SGCD: variants seen among roughly 807,000 people sequenced by gnomAD.
The protein encoded by SGCD is sarcoglycan delta.
In SGCD, 18 loss-of-function variants were observed where a neutral mutation model predicts 36.6. That is an observed-to-expected ratio of 0.49 (90% CI 0.34 to 0.73). SGCD has a LOEUF of 0.73. Ranked by LOEUF, SGCD falls within the 30% of genes least tolerant of loss-of-function variation. The probability of loss-of-function intolerance (pLI) is 0.01; values close to 1 mark genes in which losing one functional copy is unlikely to be tolerated. For synonymous variants in SGCD, 133 were observed against 130.6 expected, an observed-to-expected ratio of 1.02 and a Z score of -0.12; for missense variants, 387 against 346.7, an observed-to-expected ratio of 1.12 and a Z score of -0.92.
At chr5:155,819,919 T>C in the SGCD span, among the ~76,000 whole-genome samples, 1 of 152,156 alleles carries the variant, frequency 6.6e-6, no homozygotes, top group African/African-American at 2.4e-5. Flanking sequence ...AAAACAATAT[T>C]AGCCTCTCCC....
chr5:156,211,943 G>T (rs192127317), intron 3 of SGCD, among the ~76,000 whole-genome samples: 132 of 152,216 alleles, frequency 8.7e-4, no homozygotes, highest in Non-Finnish European at 1.4e-3. Flanking sequence ...GCTTAAAATA[G>T]CCTGTTATAA....
chr5:155,739,259 G>C, the SGCD span, among the ~76,000 whole-genome samples: 5 of 152,206 alleles, frequency 3.3e-5, no homozygotes, highest in African/African-American at 7.2e-5. Context: ...TGCGACCAAA[G>C]CTGGATGTTG....
At chr5:156,001,118 T>C (rs1180595680) in intron 1 of SGCD, among the ~76,000 whole-genome samples, 1 of 152,188 alleles carries the variant, frequency 6.6e-6, no homozygotes, top group Non-Finnish European at 1.5e-5. Flanking sequence ...CTGCTTGGTC[T>C]TTACACCATT....
chr5:155,895,449 G>A (rs1756228947), intron 1 of SGCD, among the ~76,000 whole-genome samples: 1 of 152,118 alleles, frequency 6.6e-6, no homozygotes, highest in Non-Finnish European at 1.5e-5. Context: ...TCTCTTTAAT[G>A]GGCTTATTGC....
chr5:156,270,657 G>A (rs1250893506), intron 3 of SGCD, among the ~76,000 whole-genome samples: 7 of 151,978 alleles, frequency 4.6e-5, no homozygotes, highest in Admixed American at 4.6e-4. Context: ...TAAGACTTAA[G>A]ACTCTAGAAC....
chr5:156,068,060 T>A (rs1760388138), intron 1 of SGCD, among the ~76,000 whole-genome samples: 1 of 151,946 alleles, frequency 6.6e-6, no homozygotes, highest in Non-Finnish European at 1.5e-5. Flanking sequence ...AACCTTCCTC[T>A]CTACCTGCAG....
intron 3 of SGCD, among the ~76,000 whole-genome samples, chr5:156,301,557 G>A (rs896968265): frequency 1.3e-5 from 2 of 151,942 alleles, no homozygotes; most frequent in Non-Finnish European, 2.9e-5. Context: ...AATTACAGGG[G>A]TTATAATAGT....
At chr5:156,750,323 T>G (rs114491661) in intron 7 of SGCD, among the ~76,000 whole-genome samples, 2,521 of 152,272 alleles carry the variant, frequency 0.017, 61 homozygotes, top group African/African-American at 0.056. Context: ...GGTTCTCATT[T>G]CTTTACTTCT....
intron 1 of SGCD, among the ~76,000 whole-genome samples, chr5:155,972,230 C>A (rs1395090579): frequency 6.6e-6 from 1 of 152,140 alleles, no homozygotes; most frequent in Non-Finnish European, 1.5e-5. Context: ...GAAATGTACA[C>A]TGCATAGTGA....
the SGCD span, among the ~76,000 whole-genome samples, chr5:155,755,172 ATAT>A: frequency 7.2e-5 from 11 of 152,198 alleles, no homozygotes; most frequent in South Asian, 1.5e-3. Context: ...TTATGGAGAA[ATAT>A]TATTAACTTT....
At chr5:156,075,439 T>C (rs1190613432) in intron 1 of SGCD, among the ~76,000 whole-genome samples, 1 of 152,196 alleles carries the variant, frequency 6.6e-6, no homozygotes, top group South Asian at 2.1e-4. Flanking sequence ...AGAGGTAGTC[T>C]ATAAGAGACT....
intron 3 of SGCD, among the ~76,000 whole-genome samples, chr5:156,165,143 A>G (rs1190967327): frequency 6.6e-6 from 1 of 152,316 alleles, no homozygotes; most frequent in South Asian, 2.1e-4. Context: ...GGGCTGCAGG[A>G]GTTCCGGAGG....
At chr5:156,492,469 G>A (rs1022428313) in intron 3 of SGCD, among the ~76,000 whole-genome samples, 1 of 151,936 alleles carries the variant, frequency 6.6e-6, no homozygotes, top group African/African-American at 2.4e-5. Flanking sequence ...CTCAAGGCAG[G>A]AAAAAATCCT....
intron 1 of SGCD, among the ~76,000 whole-genome samples, chr5:156,037,066 G>A (rs965104007): frequency 2.6e-5 from 4 of 152,114 alleles, no homozygotes; most frequent in African/African-American, 9.7e-5. Context: ...GTAGTGCTTG[G>A]CACACATAAA....
chr5:155,849,446 G>GCACACACACACA, the SGCD span, among the ~76,000 whole-genome samples: 129 of 149,930 alleles, frequency 8.6e-4, 1 homozygote, highest in East Asian at 0.012. Context: ...ATGTGCGCGC[G>GCACACACACACA]CACACACACA....
intron 4 of SGCD, among the ~76,000 whole-genome samples, chr5:156,534,481 T>C (rs1465056789): frequency 3.9e-5 from 6 of 152,190 alleles, no homozygotes; most frequent in Non-Finnish European, 2.9e-5. Context: ...CATCTCTTGA[T>C]TGTGGTATGA....
intron 1 of SGCD, among the ~76,000 whole-genome samples, chr5:156,004,112 A>G (rs1758713349): frequency 1.3e-5 from 2 of 152,244 alleles, no homozygotes; most frequent in Admixed American, 1.3e-4. Flanking sequence ...GTCTTCAAAG[A>G]GTAAATAAAT....
the SGCD span, among the ~76,000 whole-genome samples, chr5:155,738,001 T>A: frequency 8.5e-5 from 13 of 152,100 alleles, no homozygotes; most frequent in Non-Finnish European, 1.9e-4. Flanking sequence ...AGGGAATAGA[T>A]CCTGGACGAG....
chr5:156,426,181 C>T (rs563392788), intron 3 of SGCD, among the ~76,000 whole-genome samples: 64 of 152,020 alleles, frequency 4.2e-4, no homozygotes, highest in Non-Finnish European at 8.4e-4. Context: ...CTACTAGCAA[C>T]GTAAAGGAGT....
Sources: gnomAD v4.1 joint callset for allele counts (sites outside exome capture counted in the v4.1 genomes callset) on GRCh38, gnomAD v4.1.1 for gene constraint, MANE v1.5 for transcripts, NCBI Gene and HGNC (gene_info 2026-07-23, HGNC 2026-07-21) for gene names.